SUMF1: variants seen among roughly 807,000 people sequenced by gnomAD.
SUMF1 encodes the protein sulfatase modifying factor 1.
In SUMF1, 48 loss-of-function variants were observed where a neutral mutation model predicts 47.6. The ratio of observed to expected loss-of-function variants is 1.01; its 90% CI spans 0.80 to 1.28. The LOEUF is 1.28. Ranked by LOEUF, SUMF1 falls within the 50% of genes most tolerant of loss-of-function variation. SUMF1 has a pLI of 0.00. For missense variants in SUMF1, 571 were observed against 485.4 expected (o/e 1.18, Z -1.66); for synonymous variants, 230 against 192.1 (o/e 1.20, Z -1.63).
chr3:4,303,358 G>A (rs200589970), intron 8 of SUMF1: 3 of 1,540,382 alleles, frequency 1.9e-6, no homozygotes, highest in Non-Finnish European at 1.7e-6. Flanking sequence ...TGGGCGTTGC[G>A]TGAGGCGGGT....
At position 4,361,962 on chromosome 3, in the gene SUMF1, G is replaced by T; in HGVS notation, c.*182C>A. ...CTCCAAAGATGCACCACACCATAAAGCACATGCACTGACCCAGGTCAGCAA... is the reference window on the plus strand; with the variant it reads ...CTCCAAAGATGCACCACACCATAAATCACATGCACTGACCCAGGTCAGCAA... On this transcript the variant is annotated 3_prime_UTR_variant, in exon 9 of 9. Transcript: ENST00000272902. The T allele has an allele frequency of 1.6e-6, 1 of 617,876 alleles. No homozygotes were observed. The allele number at this position is 617,876 out of a possible 1,614,324, so 38.3% of individuals were successfully genotyped here. A position where few individuals can be genotyped will look rare whatever the true frequency, so the allele number is the denominator to read the frequency against.
At chr3:4,311,982 G>A (rs978433562) in intron 8 of SUMF1, among the ~76,000 whole-genome samples, 5 of 152,120 alleles carry the variant, frequency 3.3e-5, no homozygotes, top group Admixed American at 1.3e-4. Flanking sequence ...TTAGATTGAG[G>A]ATTGTCTTCT....
chr3:4,434,615 T>C (rs1702339113), intron 3 of SUMF1, among the ~76,000 whole-genome samples: 1 of 152,232 alleles, frequency 6.6e-6, no homozygotes, highest in Non-Finnish European at 1.5e-5. Context: ...TATACATTAC[T>C]TGATTTGGTC....
At chr3:4,238,596 C>T (rs923608491) in intron 8 of SUMF1, among the ~76,000 whole-genome samples, 1 of 152,134 alleles carries the variant, frequency 6.6e-6, no homozygotes, top group African/African-American at 2.4e-5. Context: ...CTGTTCATAT[C>T]CTTCACCTAC....
intron 7 of SUMF1, among the ~76,000 whole-genome samples, chr3:4,398,673 G>A (rs1009848422): frequency 6.6e-6 from 1 of 152,124 alleles, no homozygotes; most frequent in African/African-American, 2.4e-5. Context: ...GGTTAGGAAG[G>A]TAAGAAGGAC....
chr3:4,158,283 T>C (rs1694499035), intron 8 of SUMF1, among the ~76,000 whole-genome samples: 1 of 151,696 alleles, frequency 6.6e-6, no homozygotes, highest in Non-Finnish European at 1.5e-5. Context: ...TGACTTCTAG[T>C]TTTATTTCAT....
At chr3:4,301,806 T>G (rs1697973310) in intron 8 of SUMF1, among the ~76,000 whole-genome samples, 1 of 152,178 alleles carries the variant, frequency 6.6e-6, no homozygotes, top group South Asian at 2.1e-4. Context: ...AAAACAGAAA[T>G]GCTCAATCAT....
intron 7 of SUMF1, among the ~76,000 whole-genome samples, chr3:4,379,314 G>A (rs1023460629): frequency 1.6e-4 from 25 of 152,294 alleles, no homozygotes; most frequent in African/African-American, 5.5e-4. Flanking sequence ...GATTAGGGCG[G>A]GCCCTAAATC....
chr3:4,045,670 C>T (rs991740477), intron 9 of SUMF1, among the ~76,000 whole-genome samples: 14 of 152,052 alleles, frequency 9.2e-5, no homozygotes, highest in African/African-American at 3.4e-4. Context: ...TTCTGCATAT[C>T]TGTTACATTC....
intron 8 of SUMF1, among the ~76,000 whole-genome samples, chr3:4,261,770 G>A (rs1390376104): frequency 6.6e-6 from 1 of 152,198 alleles, no homozygotes; most frequent in African/African-American, 2.4e-5. Flanking sequence ...TAGAAGACCA[G>A]CATCAGTGCC....
chr3:4,250,219 A>C (rs1696766204), intron 8 of SUMF1, among the ~76,000 whole-genome samples: 1 of 148,976 alleles, frequency 6.7e-6, no homozygotes, highest in Non-Finnish European at 1.5e-5. Flanking sequence ...AAAAGAAAGG[A>C]AAGAAAGAAA....
At chr3:4,309,284 T>A (rs939484059) in intron 8 of SUMF1, among the ~76,000 whole-genome samples, 1 of 152,214 alleles carries the variant, frequency 6.6e-6, no homozygotes, top group Non-Finnish European at 1.5e-5. Context: ...ATGAGGCATG[T>A]CTGACCCCTG....
intron 8 of SUMF1, among the ~76,000 whole-genome samples, chr3:4,288,432 T>C (rs748999737): frequency 6.6e-6 from 1 of 152,088 alleles, no homozygotes; most frequent in African/African-American, 2.4e-5. Context: ...ATTACTATCA[T>C]GGGTCTCTGT....
chr3:4,351,845 A>T (rs1284326185), intron 8 of SUMF1, among the ~76,000 whole-genome samples: 1 of 152,160 alleles, frequency 6.6e-6, no homozygotes, highest in East Asian at 1.9e-4. Context: ...AAAGGTTTAC[A>T]CTCAGATCCC....
At chr3:4,439,103 T>C (rs969599023) in intron 3 of SUMF1, among the ~76,000 whole-genome samples, 3 of 152,220 alleles carry the variant, frequency 2.0e-5, no homozygotes, top group African/African-American at 7.2e-5. Context: ...ACAAAACTAC[T>C]ATAACACTTG....
chr3:4,387,538 C>G (rs1428956204), intron 7 of SUMF1, among the ~76,000 whole-genome samples: 1 of 151,946 alleles, frequency 6.6e-6, no homozygotes, highest in Non-Finnish European at 1.5e-5. Flanking sequence ...TTCAAAGACC[C>G]AGTTCTTCAT....
At chr3:4,406,371 G>A (rs1375441609) in intron 7 of SUMF1, among the ~76,000 whole-genome samples, 2 of 151,982 alleles carry the variant, frequency 1.3e-5, no homozygotes, top group Admixed American at 1.3e-4. Flanking sequence ...TTCTTTTCCT[G>A]ACAGCCAAGT....
chr3:4,443,439 CACAGAAGACAAA>C (rs1172700417), intron 3 of SUMF1, among the ~76,000 whole-genome samples: 1 of 151,492 alleles, frequency 6.6e-6, no homozygotes, highest in Non-Finnish European at 1.5e-5. Context: ...AATTAAAAGA[CACAGAAGACAAA>C]AGAGAAGAAA....
At chr3:4,048,506 G>A (rs1213193591) in intron 9 of SUMF1, among the ~76,000 whole-genome samples, 1 of 152,122 alleles carries the variant, frequency 6.6e-6, no homozygotes, top group Non-Finnish European at 1.5e-5. Flanking sequence ...AACTAACTAT[G>A]AGCTCTTCAT....
Sources: gnomAD v4.1 joint callset for allele counts (sites outside exome capture counted in the v4.1 genomes callset) on GRCh38, gnomAD v4.1.1 for gene constraint, MANE v1.5 for transcripts, NCBI Gene and HGNC (gene_info 2026-07-23, HGNC 2026-07-21) for gene names.